GNPAT: variants seen among roughly 807,000 people sequenced by gnomAD.
GNPAT encodes the protein dihydroxyacetone phosphate acyltransferase.
A neutral mutation model predicts 78.4 loss-of-function variants in GNPAT; 30 were observed. The ratio of observed to expected loss-of-function variants is 0.38; its 90% CI spans 0.29 to 0.52. The LOEUF (loss-of-function observed/expected upper bound fraction) is 0.52, where lower values mean the gene tolerates loss of function less well. GNPAT is among the 20% of genes least tolerant of loss of function. GNPAT has a pLI of 0.84. For missense variants in GNPAT, 714 were observed against 812.2 expected, an observed-to-expected ratio of 0.88 and a Z score of 1.47; for synonymous variants, 271 against 281.1, an observed-to-expected ratio of 0.96 and a Z score of 0.36.
chr1:231,244,679 A>G (rs1684702261), intron 1 of GNPAT, among the ~76,000 whole-genome samples: 1 of 152,216 alleles, frequency 6.6e-6, no homozygotes, highest in Non-Finnish European at 1.5e-5. Flanking sequence ...AGTGTTTGGA[A>G]GAGATCCAAG....
Position 231,251,036 on chromosome 1 carries a change from A to G in GNPAT, c.154A>G (p.Met52Val), listed in dbSNP as rs774369024. 3.7e-6 allele frequency: 6 copies of G among 1,602,440 alleles called. No homozygotes were observed. In the Admixed American group the frequency reaches 6.7e-5, roughly 18 times the overall value. Residue 52 changes from methionine to valine, a missense_variant, in exon 2 of 16, where the codon ATG (methionine) becomes GTG (valine). By Grantham distance (21) the Met-to-Val change is conservative. Transcript: ENST00000366647. The stretch of plus-strand genomic sequence containing the variant: ...GCATGTCAGTGACTTGAAATTTGCA[A>G]TGAAATGCTACACACCTCTTGTCTA... ...RRHVSDLKFA[M>V]KCYTPLVYKG...
chr1:231,260,750 AC>A (rs1211739973), intron 3 of GNPAT, 67 bp downstream of exon 3: 15 of 1,107,178 alleles, frequency 1.4e-5, no homozygotes, highest in South Asian at 5.3e-5. Flanking sequence ...AAAAAAAAAA[AC>A]AGTCTCTTTT....
chr1:231,267,652 AT>A (rs1558335501), intron 8 of GNPAT, 27 bp from the exon 9 acceptor site: 4 of 1,246,562 alleles, frequency 3.2e-6, no homozygotes, highest in Non-Finnish European at 4.7e-6. Flanking sequence ...CAGAACTGTA[AT>A]TTGTTGCTCT....
rs760040100 is a variant in GNPAT, at chr1:231,260,589, G to A, written c.344G>A (p.Arg115His). The A allele has an allele frequency of 1.7e-5, 27 of 1,611,704 alleles. No individual in the cohort carries two copies. In the African/African-American group the frequency reaches 1.9e-4, roughly 11 times the overall value. Residue 115 changes from arginine (R) to histidine (H), a missense_variant, in exon 3 of 16, where the codon CGT becomes CAT. By Grantham distance (29) the Arg-to-His change is conservative. Coordinates refer to ENST00000366647, the MANE Select transcript of GNPAT (RefSeq NM_014236.4). ...EILDEMSHKL[R>H]LGAIRFCAFT... ...TTAGATGAAATGAGTCACAAACTGC[G>A]TCTTGGAGCCATTCGGTTTTGTGCC...
chr1:231,265,290 T>G lies in GNPAT; in HGVS notation c.569-3T>G, dbSNP rs745869264. On this transcript the variant is annotated splice_region_variant and splice_polypyrimidine_tract_variant and intron_variant, in intron 4 of 15. Transcript: ENST00000366647. Reference sequence around the variant, plus strand: ...CAAATAAATATTATCCCCTCTTTTTTAGACTTCCTGGGAATGAAAATGGTT... The same window carrying G: ...CAAATAAATATTATCCCCTCTTTTTGAGACTTCCTGGGAATGAAAATGGTT... 1 of 1,608,392 alleles carries G rather than the reference T, an allele frequency of 6.2e-7. No individual in the cohort carries two copies. Among genetic ancestry groups the G allele is most frequent in the Middle Eastern group, 1.7e-4 (1 of 6,052 alleles).
intron 2 of GNPAT, among the ~76,000 whole-genome samples, chr1:231,257,837 C>T (rs745519523): frequency 5.3e-5 from 8 of 152,184 alleles, no homozygotes; most frequent in Non-Finnish European, 1.0e-4. Context: ...ATCTGTATAG[C>T]TAACTAATTC....
chr1:231,266,176 T>A lies in GNPAT; in HGVS notation c.924+11T>A. On this transcript the variant is annotated intron_variant, in intron 7 of 15. Coordinates refer to ENST00000366647, the MANE Select transcript of GNPAT (RefSeq NM_014236.4). ...AAAGAGTCTACAACTGTACGTGAGC[T>A]TGATTTTAGCTTAATTGAGAGAATG... is the stretch of plus-strand genomic sequence containing the variant. The A allele has an allele frequency of 6.2e-7, 1 of 1,613,438 alleles. No individual in the cohort carries two copies. The highest frequency in any genetic ancestry group is 1.6e-4 in the Middle Eastern group (1 of 6,062).
At chr1:231,266,478 G>A in intron 8 of GNPAT, 71 bp downstream of exon 8, 3 of 1,219,554 alleles carry the variant, frequency 2.5e-6, no homozygotes, top group Non-Finnish European at 3.6e-6. Flanking sequence ...TGCAATGCTG[G>A]AGTTGACCAC....
intron 2 of GNPAT, among the ~76,000 whole-genome samples, chr1:231,251,746 A>G (rs1684905002): frequency 6.6e-6 from 1 of 152,216 alleles, no homozygotes; most frequent in Admixed American, 6.5e-5. Flanking sequence ...CCTTGAAAAG[A>G]CTTGTACTTT....
chr1:231,259,858 A>G (rs1413087296), intron 2 of GNPAT, among the ~76,000 whole-genome samples: 1 of 152,174 alleles, frequency 6.6e-6, no homozygotes, highest in East Asian at 1.9e-4. Flanking sequence ...TTAGGGGACA[A>G]TGAAAATGGG....
intron 1 of GNPAT, among the ~76,000 whole-genome samples, chr1:231,247,689 C>A (rs145160660): frequency 1.3e-5 from 2 of 152,312 alleles, no homozygotes; most frequent in African/African-American, 4.8e-5. Flanking sequence ...ATATCCTCAG[C>A]ACATACCACA....
At chr1:231,270,369 T>C (rs1000445582) in intron 9 of GNPAT, among the ~76,000 whole-genome samples, 4 of 152,194 alleles carry the variant, frequency 2.6e-5, no homozygotes, top group Non-Finnish European at 5.9e-5. Flanking sequence ...CATGGGCCTT[T>C]TTCTTAGTAT....
intron 2 of GNPAT, among the ~76,000 whole-genome samples, chr1:231,259,878 G>A (rs1685175881): frequency 1.3e-5 from 2 of 152,100 alleles, no homozygotes; most frequent in Non-Finnish European, 2.9e-5. Flanking sequence ...GCAAATCAGG[G>A]CTTCCTCAAG....
At chr1:231,244,482 TG>T (rs1684696146) in intron 1 of GNPAT, among the ~76,000 whole-genome samples, 1 of 152,182 alleles carries the variant, frequency 6.6e-6, no homozygotes, top group Non-Finnish European at 1.5e-5. Context: ...AGTTCACTGT[TG>T]GGTTTCTATG....
intron 1 of GNPAT, among the ~76,000 whole-genome samples, chr1:231,249,341 G>A (rs1684830876): frequency 6.6e-6 from 1 of 152,098 alleles, no homozygotes; most frequent in South Asian, 2.1e-4. Flanking sequence ...TGTTTCACCT[G>A]CCACCCTTTT....
intron 3 of GNPAT, among the ~76,000 whole-genome samples, chr1:231,261,379 TG>T (rs995936117): frequency 6.6e-6 from 1 of 151,840 alleles, no homozygotes; most frequent in Non-Finnish European, 1.5e-5. Context: ...AAGTGTGAAA[TG>T]GTTTGAATTT....
At chr1:231,273,442 G>A (rs1319925205) in intron 11 of GNPAT, among the ~76,000 whole-genome samples, 1 of 151,858 alleles carries the variant, frequency 6.6e-6, no homozygotes, top group Non-Finnish European at 1.5e-5. Context: ...TAGTAGAGAC[G>A]GGGTTTCACT....
chr1:231,277,628 A>G lies in GNPAT; in HGVS notation c.*86A>G, dbSNP rs781432446. ...ACAACAAACAGGGAAGTAAAGGAAG[A>G]GACACATCCTCTCATACTCCCTGAG... On this transcript the variant is annotated 3_prime_UTR_variant, in exon 16 of 16. Transcript: ENST00000366647. The G allele has an allele frequency of 1.8e-5, 15 of 823,524 alleles. No homozygotes were observed. The highest frequency in any genetic ancestry group is 2.2e-5 in the Non-Finnish European group (10 of 460,100). The allele number at this position is 823,524 out of a possible 1,614,324, so 51.0% of individuals were successfully genotyped here.
rs577303215 is a variant in GNPAT, at chr1:231,260,767, C to T, written c.438+84C>T. ...AAAAAAAAACAGTCTCTTTTTCAAC[C>T]CCTCACAATTTAATCAACTCAAGGA... On this transcript the variant is annotated intron_variant, in intron 3 of 15. Coordinates refer to ENST00000366647, the MANE Select transcript of GNPAT (RefSeq NM_014236.4). 12 of 952,656 alleles carry T rather than the reference C, an allele frequency of 1.3e-5. No individual in the cohort carries two copies. The African/African-American group carries it at 1.8e-4, about 15-fold the overall frequency. The allele number at this position is 952,656 out of a possible 1,614,324, so 59.0% of individuals were successfully genotyped here.
Sources: gnomAD v4.1 joint callset for allele counts (sites outside exome capture counted in the v4.1 genomes callset) on GRCh38, gnomAD v4.1.1 for gene constraint, MANE v1.5 for transcripts, NCBI Gene and HGNC (gene_info 2026-07-23, HGNC 2026-07-21) for gene names.